Variants in UBAC2 observed in about 807,000 individuals in gnomAD.
The protein encoded by UBAC2 is ubiquitin-associated domain-containing protein 2.
UBAC2 carries 26 observed loss-of-function variants against 44.0 expected under a neutral mutation model. The ratio of observed to expected loss-of-function variants is 0.59; its 90% CI spans 0.43 to 0.82. UBAC2 has a LOEUF of 0.82. Among genes scored for constraint, UBAC2 ranks in the 40% least tolerant of loss-of-function variants. The pLI, the probability that UBAC2 is intolerant of heterozygous loss-of-function variation, is 0.00. For missense variants in UBAC2, 329 were observed against 419.4 expected (o/e 0.78, Z 1.88); for synonymous variants, 155 against 154.3 (o/e 1.00, Z -0.04).
At chr13:99,246,030 C>T (rs997830459) in intron 4 of UBAC2, among the ~76,000 whole-genome samples, 1 of 152,084 alleles carries the variant, frequency 6.6e-6, no homozygotes, top group Non-Finnish European at 1.5e-5. Context: ...TCTTCAGTCT[C>T]CTTTTAATTT....
intron 4 of UBAC2, among the ~76,000 whole-genome samples, chr13:99,257,113 C>A (rs2043576337): frequency 6.6e-6 from 1 of 152,118 alleles, no homozygotes; most frequent in South Asian, 2.1e-4. Flanking sequence ...CCCTTTCTTC[C>A]CTTCTTCTCC....
At chr13:99,236,570 T>G (rs1356945154) in intron 1 of UBAC2, among the ~76,000 whole-genome samples, 1 of 151,946 alleles carries the variant, frequency 6.6e-6, no homozygotes, top group African/African-American at 2.4e-5. Flanking sequence ...AGAGGCTGGC[T>G]GCTGGGCACG....
chr13:99,223,542 GT>G (rs145143990), intron 1 of UBAC2, among the ~76,000 whole-genome samples: 2,719 of 62,368 alleles, frequency 0.044, 93 homozygotes, highest in East Asian at 0.2. Flanking sequence ...CTCTTTTTCT[GT>G]TTTTTTTTTT....
Position 99,201,244 on chromosome 13 carries a change from G to T in UBAC2, c.31+305G>T, listed in dbSNP as rs143484553. ...AGTGGGCAGGTGCCCTGGTGTTCTC[G>T]TGGGCCGGCCCCAGGCCCTTTGCGG... is the stretch of plus-strand genomic sequence containing the variant. On this transcript the variant is annotated intron_variant, in intron 1 of 8. Transcript: ENST00000403766. The T allele has an allele frequency of 1.3e-3, 1,817 of 1,433,864 alleles. 15 individuals carry two copies. The African/African-American group carries it at 0.024, about 19-fold the overall frequency. 88.8% of individuals were successfully genotyped at this position (1,433,864 alleles called of 1,614,324 possible).
intron 4 of UBAC2, among the ~76,000 whole-genome samples, chr13:99,285,139 T>G (rs1353786373): frequency 6.6e-6 from 1 of 152,202 alleles, no homozygotes; most frequent in African/African-American, 2.4e-5. Flanking sequence ...AAATTATTCA[T>G]AATTCTGTAA....
intron 7 of UBAC2, among the ~76,000 whole-genome samples, chr13:99,357,826 A>G (rs376959902): frequency 1.3e-5 from 2 of 152,184 alleles, no homozygotes; most frequent in African/African-American, 4.8e-5. Context: ...AACTAACTAC[A>G]GTCTTGGCTA....
At chr13:99,241,158 G>T (rs1452154930) in intron 2 of UBAC2, among the ~76,000 whole-genome samples, 1 of 151,814 alleles carries the variant, frequency 6.6e-6, no homozygotes, top group African/African-American at 2.4e-5. Flanking sequence ...CAGCTACTCA[G>T]GAGGCTGAGC....
chr13:99,342,402 T>C (rs2044904226), intron 7 of UBAC2, among the ~76,000 whole-genome samples: 1 of 152,270 alleles, frequency 6.6e-6, no homozygotes, highest in Non-Finnish European at 1.5e-5. Flanking sequence ...GGAGACAGTG[T>C]GTTCCATAAC....
chr13:99,243,695 A>G, intron 2 of UBAC2, 137 bp from the exon 3 acceptor site: 1 of 720,696 alleles, frequency 1.4e-6, no homozygotes, highest in South Asian at 1.8e-5. Flanking sequence ...ATACATATAT[A>G]GTTTTCCTTT....
chr13:99,223,164 G>A (rs2043069927), intron 1 of UBAC2, among the ~76,000 whole-genome samples: 1 of 152,076 alleles, frequency 6.6e-6, no homozygotes, highest in African/African-American at 2.4e-5. Context: ...AAAAAATTTA[G>A]TTGTGATAAG....
At chr13:99,317,034 G>C (rs1238854822) in intron 5 of UBAC2, among the ~76,000 whole-genome samples, 1 of 152,104 alleles carries the variant, frequency 6.6e-6, no homozygotes, top group Non-Finnish European at 1.5e-5. Context: ...TACATCAAAG[G>C]TTCAGATTTA....
chr13:99,361,883 G>A (rs1282683381), intron 7 of UBAC2, among the ~76,000 whole-genome samples: 1 of 152,156 alleles, frequency 6.6e-6, no homozygotes, highest in Non-Finnish European at 1.5e-5. Context: ...TATAGTCTCA[G>A]CTACTCAGGA....
At chr13:99,345,635 C>T (rs1295402273) in intron 7 of UBAC2, among the ~76,000 whole-genome samples, 1 of 152,116 alleles carries the variant, frequency 6.6e-6, no homozygotes, top group Non-Finnish European at 1.5e-5. Flanking sequence ...AGAGACTGGA[C>T]CTCCCTCTCT....
intron 7 of UBAC2, among the ~76,000 whole-genome samples, chr13:99,351,204 TATC>T (rs962417724): frequency 1.3e-5 from 2 of 152,226 alleles, no homozygotes; most frequent in African/African-American, 4.8e-5. Context: ...TATTAGTTAT[TATC>T]ATAGTATTGG....
chr13:99,356,559 A>G (rs756896525), intron 7 of UBAC2, among the ~76,000 whole-genome samples: 6 of 152,224 alleles, frequency 3.9e-5, no homozygotes, highest in Non-Finnish European at 8.8e-5. Context: ...CCACAAAGGA[A>G]AAGTGAAACC....
At chr13:99,232,422 T>TATATATATATATATATATATATATATA (rs1566458503) in intron 1 of UBAC2, among the ~76,000 whole-genome samples, 7 of 56,538 alleles carry the variant, frequency 1.2e-4, no homozygotes, top group Non-Finnish European at 3.5e-4. Context: ...ATATATATAT[T>TATATATATATATATATATATATATATA]CACACACACA....
chr13:99,212,614 T>G (rs1344864254), intron 1 of UBAC2, among the ~76,000 whole-genome samples: 1 of 152,196 alleles, frequency 6.6e-6, no homozygotes, highest in East Asian at 1.9e-4. Context: ...AGAAATCTGT[T>G]TGACTTTATT....
chr13:99,277,706 T>G (rs551126525), intron 4 of UBAC2, among the ~76,000 whole-genome samples: 1 of 152,324 alleles, frequency 6.6e-6, no homozygotes, highest in East Asian at 1.9e-4. Flanking sequence ...ACTCTCTTAC[T>G]TGAAATAAAA....
chr13:99,303,885 C>T (rs927663758), intron 4 of UBAC2, among the ~76,000 whole-genome samples: 4 of 152,138 alleles, frequency 2.6e-5, no homozygotes, highest in East Asian at 1.9e-4. Flanking sequence ...GTCGTGAAGG[C>T]GCCCAGGACT....
Sources: allele counts gnomAD v4.1 joint callset (sites outside exome capture counted in the v4.1 genomes callset), GRCh38; gene constraint gnomAD v4.1.1; transcripts MANE v1.5; gene names NCBI Gene and HGNC (gene_info 2026-07-23, HGNC 2026-07-21).